NCK2: variants seen among roughly 807,000 people sequenced by gnomAD.
The protein encoded by NCK2 is NCK adaptor protein 2.
A neutral mutation model predicts 33.9 loss-of-function variants in NCK2; 16 were observed. That is an observed-to-expected ratio of 0.47 (90% CI 0.32 to 0.72). The LOEUF (loss-of-function observed/expected upper bound fraction) is 0.72, where lower values mean the gene tolerates loss of function less well. NCK2 is among the 30% of genes least tolerant of loss of function. NCK2 has a pLI of 0.03. For synonymous variants in NCK2, 273 were observed against 239.9 expected (o/e 1.14, Z -1.27); for missense variants, 418 against 537.3 (o/e 0.78, Z 2.19).
At chr2:105,750,615 A>G (rs536500580) in intron 1 of NCK2, among the ~76,000 whole-genome samples, 1 of 152,352 alleles carries the variant, frequency 6.6e-6, no homozygotes, top group East Asian at 1.9e-4. Flanking sequence ...GTAGCACCCC[A>G]TAACAGGGAA....
chr2:105,847,724 T>C (rs1164131082), intron 2 of NCK2, among the ~76,000 whole-genome samples: 3 of 152,198 alleles, frequency 2.0e-5, no homozygotes, highest in Non-Finnish European at 4.4e-5. Context: ...CATAATTTTT[T>C]CATTGACTGG....
rs1679071637 is a variant in NCK2, at chr2:105,893,250, C to T, written c.*74C>T. The T allele has an allele frequency of 9.2e-6, 13 of 1,416,948 alleles. No individual in the cohort carries two copies. Among genetic ancestry groups the T allele is most frequent in the Non-Finnish European group, 1.2e-5 (13 of 1,055,232 alleles). 87.8% of individuals were successfully genotyped at this position (1,416,948 alleles called of 1,614,324 possible). ...CCGCCCGGCCTTGTGGCAGAGGCTC[C>T]TCCCGCGGGGACGGCCCCGACGGCT... On this transcript the variant is annotated 3_prime_UTR_variant, in exon 5 of 5. Transcript: ENST00000233154.
At chr2:105,791,424 G>A (rs915071475) in intron 1 of NCK2, among the ~76,000 whole-genome samples, 10 of 152,234 alleles carry the variant, frequency 6.6e-5, no homozygotes, top group Non-Finnish European at 1.3e-4. Flanking sequence ...GATATACGGT[G>A]TAAAGTGCCT....
intron 2 of NCK2, among the ~76,000 whole-genome samples, chr2:105,834,753 G>C (rs2104531556): frequency 6.6e-6 from 1 of 152,050 alleles, no homozygotes; most frequent in African/African-American, 2.4e-5. Flanking sequence ...CTGTAGCCTT[G>C]AACTGTTGGG....
In NCK2 at chr2:105,822,805, T is replaced by C. The variant is rs1573157818; in HGVS notation, c.-17+6192T>C. 2.0e-5 allele frequency among the ~76,000 whole-genome samples: 3 copies of C among 152,056 alleles called. 1 individual carries two copies. In the East Asian group the frequency reaches 5.8e-4, roughly 29 times the overall value. On this transcript the variant is annotated intron_variant, in intron 2 of 4. Coordinates refer to ENST00000233154, the MANE Select transcript of NCK2 (RefSeq NM_003581.5). ...CAAAGGAATTTTCGTGAATTCTCTT[T>C]AATGCCAGGTGATATGGATAGTCCT...
intron 2 of NCK2, among the ~76,000 whole-genome samples, chr2:105,822,383 A>G (rs1169433139): frequency 6.6e-6 from 1 of 151,946 alleles, no homozygotes; most frequent in African/African-American, 2.4e-5. Context: ...CCAGCTTAAC[A>G]TCAGACCTGC....
intron 1 of NCK2, among the ~76,000 whole-genome samples, chr2:105,813,741 G>A (rs1298155642): frequency 6.6e-6 from 1 of 152,180 alleles, no homozygotes; most frequent in Admixed American, 6.5e-5. Context: ...CCTGGGTTGT[G>A]GCTTTAGTGG....
chr2:105,758,410 TTTG>T (rs948114803), intron 1 of NCK2, among the ~76,000 whole-genome samples: 3 of 133,788 alleles, frequency 2.2e-5, no homozygotes, highest in African/African-American at 7.9e-5. Context: ...TTTTGTTGTT[TTTG>T]TTTTTTTTTT....
rs749231203 is a variant in NCK2, at chr2:105,881,875, G to A, written c.774G>A (p.Gly258=). 1.9e-6 allele frequency: 3 copies of A among 1,585,222 alleles called. No homozygotes were observed. Among genetic ancestry groups the A allele is most frequent in the Non-Finnish European group, 2.6e-6 (3 of 1,165,266 alleles). The stretch of plus-strand genomic sequence containing the variant: ...ACTACGTGGTGGTCCTCAGTGACGG[G>A]CCTGCCCTGCACCCTGCGCACGCCC... The part of the protein sequence containing the change: ...PKNYVVVLSD[G]PALHPAHAPQ... Residue 258 remains glycine (G), a synonymous_variant, in exon 4 of 5, where the codon GGG becomes GGA. Coordinates refer to ENST00000233154, the MANE Select transcript of NCK2 (RefSeq NM_003581.5).
chr2:105,865,902 ATATTATTATTAT>A (rs61440392), intron 3 of NCK2, among the ~76,000 whole-genome samples: 1 of 148,746 alleles, frequency 6.7e-6, no homozygotes, highest in African/African-American at 2.5e-5. Context: ...AAAGACAGAG[ATATTATTATTAT>A]TATTATTATT....
chr2:105,785,327 A>G (rs751056357), intron 1 of NCK2, among the ~76,000 whole-genome samples: 1 of 152,140 alleles, frequency 6.6e-6, no homozygotes, highest in South Asian at 2.1e-4. Context: ...GTCCAAGTGT[A>G]AAAAGAACCA....
At chr2:105,800,602 G>A (rs1674791246) in intron 1 of NCK2, among the ~76,000 whole-genome samples, 1 of 152,188 alleles carries the variant, frequency 6.6e-6, no homozygotes. Context: ...TAGTCTCAAA[G>A]TTCTACTAAG....
At chr2:105,875,962 C>CT (rs945649270) in intron 3 of NCK2, among the ~76,000 whole-genome samples, 40 of 151,066 alleles carry the variant, frequency 2.6e-4, no homozygotes, top group East Asian at 7.8e-4. Context: ...CAGCATCTTG[C>CT]TTTTTTTTTA....
At chr2:105,878,460 C>T (rs1052489835) in intron 3 of NCK2, among the ~76,000 whole-genome samples, 9 of 152,296 alleles carry the variant, frequency 5.9e-5, no homozygotes, top group African/African-American at 1.7e-4. Context: ...GAGATTGGAA[C>T]ACAGACACAC....
chr2:105,818,134 T>G (rs1469066071), intron 2 of NCK2, among the ~76,000 whole-genome samples: 1 of 151,788 alleles, frequency 6.6e-6, no homozygotes, highest in African/African-American at 2.4e-5. Context: ...TGTAGGGACA[T>G]GGATGAAGCT....
At chr2:105,770,124 TAAAAA>T (rs76726445) in intron 1 of NCK2, among the ~76,000 whole-genome samples, 29,691 of 126,788 alleles carry the variant, frequency 0.23, 3,394 homozygotes, top group Middle Eastern at 0.42. Flanking sequence ...CACTAATAAG[TAAAAA>T]AAAAAAAAAA....
intron 2 of NCK2, among the ~76,000 whole-genome samples, chr2:105,826,441 T>G (rs935092769): frequency 1.3e-5 from 2 of 152,190 alleles, no homozygotes; most frequent in Non-Finnish European, 2.9e-5. Flanking sequence ...TCAGGTAGTT[T>G]GCTTGTAGTG....
intron 1 of NCK2, among the ~76,000 whole-genome samples, chr2:105,749,862 C>T (rs950827134): frequency 5.3e-5 from 8 of 151,996 alleles, no homozygotes; most frequent in Non-Finnish European, 7.4e-5. Context: ...CTCCAGCTGC[C>T]TTAAGAGAAT....
chr2:105,805,333 A>G (rs1257577794), intron 1 of NCK2, among the ~76,000 whole-genome samples: 1 of 152,194 alleles, frequency 6.6e-6, no homozygotes, highest in Non-Finnish European at 1.5e-5. Context: ...ATGTGGATGA[A>G]CATACCTTGA....
Sources: allele counts gnomAD v4.1 joint callset (sites outside exome capture counted in the v4.1 genomes callset), GRCh38; gene constraint gnomAD v4.1.1; transcripts MANE v1.5; gene names NCBI Gene and HGNC (gene_info 2026-07-23, HGNC 2026-07-21).